Variants in PAPPA2 observed in about 807,000 individuals in gnomAD.
PAPPA2 encodes pappalysin 2, also known as pappalysin-2.
Under a neutral mutation model 176.4 loss-of-function variants are expected in PAPPA2, and 86 were observed. That is an observed-to-expected ratio of 0.49 (90% CI 0.41 to 0.58). The LOEUF is 0.58. Ranked by LOEUF, PAPPA2 falls within the 20% of genes least tolerant of loss-of-function variation. PAPPA2 has a pLI of 0.00. For missense variants in PAPPA2, 2,073 were observed against 2,256.9 expected (o/e 0.92, Z 1.65); for synonymous variants, 809 against 852.2 (o/e 0.95, Z 0.88).
chr1:176,668,726 G>T (rs774255349), intron 3 of PAPPA2, among the ~76,000 whole-genome samples: 1 of 151,880 alleles, frequency 6.6e-6, no homozygotes, highest in Non-Finnish European at 1.5e-5. Context: ...GCAAAATAAG[G>T]GTTTCTTCTA....
intron 14 of PAPPA2, among the ~76,000 whole-genome samples, chr1:176,762,917 G>T (rs538266253): frequency 6.6e-6 from 1 of 152,044 alleles, no homozygotes; most frequent in African/African-American, 2.4e-5. Context: ...TCTTCACACC[G>T]ATCACCTCCA....
chr1:176,553,661 CT>C (rs1028001347), intron 1 of PAPPA2: 1 of 151,988 alleles, frequency 6.6e-6, no homozygotes, highest in Non-Finnish European at 1.5e-5. Flanking sequence ...TGCAAGATCC[CT>C]ACACATTAAA....
At chr1:176,842,263 A>G (rs1020424097) in intron 22 of PAPPA2, 117 bp from the exon 23 acceptor site, 1 of 881,034 alleles carries the variant, frequency 1.1e-6, no homozygotes, top group Non-Finnish European at 1.8e-6. Context: ...CCAGTTTGTG[A>G]TATTGGCACA....
intron 2 of PAPPA2, among the ~76,000 whole-genome samples, chr1:176,584,931 GT>G: frequency 6.6e-6 from 1 of 152,124 alleles, no homozygotes; most frequent in Admixed American, 6.5e-5. Flanking sequence ...GTAGAGATGG[GT>G]TTTCACCATC....
chr1:176,695,932 T>G, intron 7 of PAPPA2, 73 bp downstream of exon 7: 1 of 1,571,404 alleles, frequency 6.4e-7, no homozygotes, highest in Non-Finnish European at 8.6e-7. Context: ...AAGAGTGGAG[T>G]AGTGACATGG....
intron 4 of PAPPA2, among the ~76,000 whole-genome samples, chr1:176,671,910 G>T (rs1272308105): frequency 2.6e-5 from 3 of 117,350 alleles, no homozygotes; most frequent in African/African-American, 6.5e-5. Context: ...GGGGACTGTT[G>T]TGGGGTGGGG....
intron 1 of PAPPA2, among the ~76,000 whole-genome samples, chr1:176,510,552 G>A (rs537656112): frequency 5.3e-5 from 8 of 152,020 alleles, no homozygotes; most frequent in African/African-American, 1.9e-4. Flanking sequence ...AGAAATTAGA[G>A]CTACATACAG....
chr1:176,725,252 T>G (rs1488106719), intron 12 of PAPPA2, among the ~76,000 whole-genome samples: 3 of 152,214 alleles, frequency 2.0e-5, no homozygotes, highest in Non-Finnish European at 2.9e-5. Flanking sequence ...GCAAAAACTC[T>G]TCTTAGCTCA....
At chr1:176,755,366 C>G (rs1663366406) in intron 14 of PAPPA2, among the ~76,000 whole-genome samples, 1 of 152,104 alleles carries the variant, frequency 6.6e-6, no homozygotes, top group African/African-American at 2.4e-5. Flanking sequence ...ATGTATAGCC[C>G]ACAGAGCAGC....
At chr1:176,581,442 G>C (rs892271444) in intron 2 of PAPPA2, among the ~76,000 whole-genome samples, 3 of 152,248 alleles carry the variant, frequency 2.0e-5, no homozygotes, top group African/African-American at 7.2e-5. Context: ...TTGGCTATTT[G>C]AGGTCTTTTG....
chr1:176,511,277 G>A (rs1002357740), intron 1 of PAPPA2, among the ~76,000 whole-genome samples: 1 of 152,108 alleles, frequency 6.6e-6, no homozygotes, highest in African/African-American at 2.4e-5. Flanking sequence ...TATATTGCCA[G>A]GGATTATGAT....
chr1:176,509,968 A>G (rs1648491626), intron 1 of PAPPA2, among the ~76,000 whole-genome samples: 1 of 152,180 alleles, frequency 6.6e-6, no homozygotes, highest in Non-Finnish European at 1.5e-5. Flanking sequence ...AGGGAGGTTG[A>G]GACTGCCATG....
In PAPPA2 at chr1:176,556,778, A is replaced by G; in HGVS notation, c.456A>G (p.Arg152=). ...ATGACGCTTATCTCGGCAATCAAAG[A>G]TCCAAGGAGTCTCTAGGTGAGGCCG... ...GDDDAYLGNQ[R]SKESLGEAGI... The change falls in exon 2 of 23, where the codon AGA becomes AGG. Residue 152 remains arginine (R), a synonymous_variant. Transcript: ENST00000367662. 6.2e-7 allele frequency: 1 copy of G among 1,614,040 alleles called. No individual in the cohort carries two copies. Among genetic ancestry groups the G allele is most frequent in the African/African-American group, 1.3e-5 (1 of 75,018 alleles).
chr1:176,768,911 G>A (rs1410711558), intron 15 of PAPPA2, among the ~76,000 whole-genome samples: 5 of 152,206 alleles, frequency 3.3e-5, no homozygotes, highest in Non-Finnish European at 5.9e-5. Context: ...TTATTAATAA[G>A]AGTGCCAGCA....
chr1:176,496,516 G>A (rs947004299), intron 1 of PAPPA2, among the ~76,000 whole-genome samples: 2 of 152,054 alleles, frequency 1.3e-5, no homozygotes, highest in East Asian at 1.9e-4. Context: ...GTTCCTTTAC[G>A]AGGCCTGTGG....
At chr1:176,542,534 C>T (rs547778681) in intron 1 of PAPPA2, among the ~76,000 whole-genome samples, 36 of 152,304 alleles carry the variant, frequency 2.4e-4, no homozygotes, top group Non-Finnish European at 4.4e-4. Context: ...GGGCAGAGCC[C>T]AGACTAGAAC....
intron 14 of PAPPA2, among the ~76,000 whole-genome samples, chr1:176,755,517 T>C (rs535556892): frequency 1.1e-4 from 17 of 152,330 alleles, no homozygotes; most frequent in African/African-American, 3.6e-4. Flanking sequence ...GCTCAGGCTA[T>C]GAATGTAGTT....
chr1:176,645,129 A>G (rs574401196), intron 3 of PAPPA2, among the ~76,000 whole-genome samples: 1 of 151,902 alleles, frequency 6.6e-6, no homozygotes, highest in African/African-American at 2.4e-5. Context: ...ATTTTGAAAT[A>G]TACAATAGGT....
intron 1 of PAPPA2, among the ~76,000 whole-genome samples, chr1:176,488,531 T>G (rs1369586020): frequency 1.3e-5 from 2 of 152,158 alleles, no homozygotes; most frequent in Non-Finnish European, 2.9e-5. Flanking sequence ...TACCAGCCCC[T>G]AACTCTCTTA....
Sources: allele counts gnomAD v4.1 joint callset (sites outside exome capture counted in the v4.1 genomes callset), GRCh38; gene constraint gnomAD v4.1.1; transcripts MANE v1.5; gene names NCBI Gene and HGNC (gene_info 2026-07-23, HGNC 2026-07-21).